The following MAGT1 variants were observed in gnomAD, a reference collection of about 807,000 sequenced individuals.
MAGT1 encodes the protein dolichyl-diphosphooligosaccharide--protein glycosyltransferase subunit MAGT1.
Under a neutral mutation model 28.4 loss-of-function variants are expected in MAGT1, and 4 were observed. That is an observed-to-expected ratio of 0.14 (90% CI 0.07 to 0.32). The LOEUF (loss-of-function observed/expected upper bound fraction) is 0.32. Among genes scored for constraint, MAGT1 ranks in the 10% least tolerant of loss-of-function variants. The probability of loss-of-function intolerance (pLI) is 1.00; values close to 1 mark genes in which losing one functional copy is unlikely to be tolerated. For synonymous variants in MAGT1, 89 were observed against 89.7 expected (o/e 0.99, Z 0.04); for missense variants, 193 against 264.5 (o/e 0.73, Z 1.88).
chrX:77,881,257 G>T (rs2077051409), intron 1 of MAGT1, among the ~76,000 whole-genome samples: 1 of 110,496 alleles, frequency 9.1e-6, no homozygotes, highest in African/African-American at 3.3e-5. Context: ...GCCATATTTT[G>T]TTTTTTTTAT....
intron 4 of MAGT1, 54 bp from the exon 5 acceptor site, chrX:77,856,927 T>C: frequency 2.9e-6 from 3 of 1,030,782 alleles, no homozygotes; most frequent in East Asian, 6.1e-5. Context: ...TTACTAATTA[T>C]ATGGGTCAAA....
intron 8 of MAGT1, among the ~76,000 whole-genome samples, chrX:77,837,943 T>C (rs1343447390): frequency 2.7e-5 from 3 of 111,225 alleles, no homozygotes; most frequent in African/African-American, 9.8e-5. Context: ...TTTCGCCATG[T>C]TGGCCAGGCT....
chrX:77,860,116 ACT>A (rs782119483), intron 3 of MAGT1, among the ~76,000 whole-genome samples: 2 of 111,098 alleles, frequency 1.8e-5, no homozygotes, highest in Non-Finnish European at 3.8e-5. Flanking sequence ...AAGGAGTCTC[ACT>A]CTGTTGTCCA....
intron 7 of MAGT1, 52 bp from the exon 8 acceptor site, chrX:77,841,372 T>C (rs1557214392): frequency 4.8e-6 from 4 of 826,553 alleles, no homozygotes. Context: ...AGACATACCA[T>C]TTTACTATTT....
At chrX:77,838,793 A>G (rs1557214135) in intron 8 of MAGT1, among the ~76,000 whole-genome samples, 1 of 109,643 alleles carries the variant, frequency 9.1e-6, no homozygotes, top group Non-Finnish European at 1.9e-5. Context: ...CAAACCAAAT[A>G]AAAGGGCTAA....
chrX:77,850,018 T>A (rs2076962890), intron 7 of MAGT1, among the ~76,000 whole-genome samples: 1 of 112,018 alleles, frequency 8.9e-6, no homozygotes, highest in Non-Finnish European at 1.9e-5. Context: ...TTATATAGTC[T>A]GCTTTATTAA....
rs2076885889 is a variant in MAGT1, at chrX:77,827,481, T to G, written c.*1739A>C. Reference sequence around the variant, plus strand: ...TTTTTGAGATGGAGTCTCGCTCTGTTGCCAGGCTGGAGTGCAGTGGTGTGA... The same window carrying G: ...TTTTTGAGATGGAGTCTCGCTCTGTGGCCAGGCTGGAGTGCAGTGGTGTGA... On this transcript the variant is annotated 3_prime_UTR_variant, in exon 10 of 10. Coordinates refer to ENST00000618282, the MANE Select transcript of MAGT1 (RefSeq NM_001367916.1). 1 of 106,173 alleles carries G rather than the reference T, an allele frequency of 9.4e-6. No individual in the cohort carries two copies. 8.7% of individuals were successfully genotyped at this position (106,173 alleles called of 1,213,427 possible). A position where few individuals can be genotyped will look rare whatever the true frequency, so the allele number is the denominator to read the frequency against.
At chrX:77,895,558 T>G, upstream of MAGT1, 138 of 962,764 alleles carry the variant, frequency 1.4e-4, no homozygotes, top group Non-Finnish European at 1.7e-4. Context: ...CACAGCGCGC[T>G]GGCGCTACAC....
chrX:77,832,848 AAG>A (rs1308582537), intron 8 of MAGT1, among the ~76,000 whole-genome samples: 1 of 107,140 alleles, frequency 9.3e-6, no homozygotes, highest in Non-Finnish European at 1.9e-5. Context: ...AAAAAAAAAA[AAG>A]AAAAGAAAAG....
intron 3 of MAGT1, among the ~76,000 whole-genome samples, chrX:77,865,098 T>C (rs2077004928): frequency 9.0e-6 from 1 of 111,704 alleles, no homozygotes; most frequent in Non-Finnish European, 1.9e-5. Context: ...TTTTTATAAA[T>C]GCACTGATTT....
chrX:77,884,275 T>G (rs1557218787), intron 1 of MAGT1, among the ~76,000 whole-genome samples: 1 of 112,058 alleles, frequency 8.9e-6, no homozygotes, highest in African/African-American at 3.2e-5. Flanking sequence ...TAATCCTTAT[T>G]CACAATGACG....
intron 2 of MAGT1, among the ~76,000 whole-genome samples, chrX:77,871,922 A>T (rs782298028): frequency 9.0e-6 from 1 of 111,209 alleles, no homozygotes; most frequent in Non-Finnish European, 1.9e-5. Flanking sequence ...TGATCTGTCA[A>T]TTCTCATTTG....
intron 8 of MAGT1, among the ~76,000 whole-genome samples, chrX:77,832,431 A>G (rs1471239301): frequency 2.7e-5 from 3 of 111,592 alleles, no homozygotes; most frequent in African/African-American, 9.8e-5. Flanking sequence ...TGCAGAAAAA[A>G]ACCCTCATGA....
intron 2 of MAGT1, among the ~76,000 whole-genome samples, chrX:77,874,937 C>T (rs1557217671): frequency 9.1e-6 from 1 of 109,538 alleles, no homozygotes; most frequent in Non-Finnish European, 1.9e-5. Flanking sequence ...TCACTGCAAC[C>T]TCTGCCTCCC....
chrX:77,835,681 A>G (rs2076915253), intron 8 of MAGT1, among the ~76,000 whole-genome samples: 1 of 112,029 alleles, frequency 8.9e-6, no homozygotes, highest in Non-Finnish European at 1.9e-5. Flanking sequence ...AACATTTGGA[A>G]GCAACCTAAA....
intron 7 of MAGT1, among the ~76,000 whole-genome samples, chrX:77,845,341 C>T (rs1226548476): frequency 1.3e-4 from 15 of 111,389 alleles, no homozygotes; most frequent in South Asian, 3.8e-4. Flanking sequence ...TGTCTCTGCA[C>T]GTGAGATGGG....
chrX:77,849,299 C>T (rs1214701814), intron 7 of MAGT1, among the ~76,000 whole-genome samples: 1 of 109,392 alleles, frequency 9.1e-6, no homozygotes, highest in Non-Finnish European at 1.9e-5. Flanking sequence ...AGGCTGGTCT[C>T]GAACTCCTGG....
intron 8 of MAGT1, 80 bp from the exon 9 acceptor site, chrX:77,830,975 A>T (rs1371941531): frequency 1.3e-4 from 1 of 7,660 alleles, no homozygotes; most frequent in Non-Finnish European, 8.7e-4. Flanking sequence ...TTCTTTTTTT[A>T]TTTTATTTTA....
chrX:77,837,781 C>T (rs1268574109), intron 8 of MAGT1, among the ~76,000 whole-genome samples: 2 of 111,611 alleles, frequency 1.8e-5, no homozygotes, highest in African/African-American at 3.3e-5. Flanking sequence ...CTCACTCCGT[C>T]GCCCAGGCTG....
Sources: allele counts gnomAD v4.1 joint callset (sites outside exome capture counted in the v4.1 genomes callset), GRCh38; gene constraint gnomAD v4.1.1; transcripts MANE v1.5; gene names NCBI Gene and HGNC (gene_info 2026-07-23, HGNC 2026-07-21).